The following POLR1D variants were observed in gnomAD, a reference collection of about 807,000 sequenced individuals.
POLR1D encodes the protein DNA-directed RNA polymerases I and III subunit RPAC2.
Under a neutral mutation model 10.8 loss-of-function variants are expected in POLR1D, and 8 were observed. That is an observed-to-expected ratio of 0.74 (90% CI 0.43 to 1.33). The LOEUF (loss-of-function observed/expected upper bound fraction) is 1.33. Among genes scored for constraint, POLR1D ranks in the 40% most tolerant of loss-of-function variants. The pLI, the probability that POLR1D is intolerant of heterozygous loss-of-function variation, is 0.01. For synonymous variants in POLR1D, 54 were observed against 57.2 expected, an observed-to-expected ratio of 0.94 and a Z score of 0.25; for missense variants, 152 against 161.7, an observed-to-expected ratio of 0.94 and a Z score of 0.32.
At chr13:27,622,245 C>A (rs1413399490) in intron 1 of POLR1D, 18 of 594,936 alleles carry the variant, frequency 3.0e-5, no homozygotes, top group African/African-American at 5.6e-5. Context: ...AACTGCCCAC[C>A]CCCGTTACAA....
chr13:27,644,485 G>A (rs1234299542), intron 1 of POLR1D, among the ~76,000 whole-genome samples: 2 of 152,216 alleles, frequency 1.3e-5, no homozygotes, highest in Non-Finnish European at 2.9e-5. Context: ...CAGGCCTGAG[G>A]AAGCTGTGCT....
chr13:27,620,877 A>G (rs1955900153), upstream of POLR1D: 1 of 152,444 alleles, frequency 6.6e-6, no homozygotes, highest in Non-Finnish European at 1.5e-5. Context: ...ACAGCTGGGG[A>G]AGGAGTGAAC....
intron 2 of POLR1D, among the ~76,000 whole-genome samples, chr13:27,660,436 A>G (rs1956352942): frequency 6.6e-6 from 1 of 152,244 alleles, no homozygotes. Flanking sequence ...ACTTGCTTCC[A>G]TGACTCCAAG....
At chr13:27,624,638 C>T (rs768749616), downstream of POLR1D, among the ~76,000 whole-genome samples, 7 of 152,152 alleles carry the variant, frequency 4.6e-5, no homozygotes, top group Admixed American at 2.0e-4. Context: ...CATGGTGGCT[C>T]ACACCTGGGA....
chr13:27,661,949 G>C (rs1285484003), intron 2 of POLR1D, among the ~76,000 whole-genome samples: 1 of 152,192 alleles, frequency 6.6e-6, no homozygotes, highest in Non-Finnish European at 1.5e-5. Context: ...ATGGAGAATT[G>C]AGATAGCCGG....
At chr13:27,641,469 TTC>T (rs1423341881) in intron 1 of POLR1D, among the ~76,000 whole-genome samples, 1 of 152,098 alleles carries the variant, frequency 6.6e-6, no homozygotes, top group Non-Finnish European at 1.5e-5. Context: ...TACGAAATAT[TTC>T]TGTCTTTCCA....
chr13:27,659,542 G>A (rs1956339081), intron 2 of POLR1D, among the ~76,000 whole-genome samples: 1 of 152,132 alleles, frequency 6.6e-6, no homozygotes, highest in Admixed American at 6.6e-5. Context: ...AACACTCCTT[G>A]TATGGCATCA....
At chr13:27,651,650 G>A (rs1384092286) in intron 2 of POLR1D, 1 of 152,030 alleles carries the variant, frequency 6.6e-6, no homozygotes, top group East Asian at 1.9e-4. Flanking sequence ...TGAAAAAAAT[G>A]CTCAGCTTTA....
At position 27,642,126 on chromosome 13, in the gene POLR1D, T is replaced by C. The variant is rs192326654; in HGVS notation, c.27-6253T>C. Among the ~76,000 whole-genome samples the C allele has an allele frequency of 2.1e-3, 320 of 152,174 alleles. 2 individuals carry two copies. Among genetic ancestry groups the C allele is most frequent in the African/African-American group, 7.5e-3 (313 of 41,516 alleles). On this transcript the variant is annotated intron_variant, in intron 1 of 2. Transcript: ENST00000399697. ...CAGAGGATGTTAACAGGTATATATA[T>C]ACAATGAAGCAAAAGAATAATATTG...
chr13:27,621,609 C>T (rs888615794), upstream of POLR1D: 3 of 162,842 alleles, frequency 1.8e-5, no homozygotes, highest in Non-Finnish European at 4.0e-5. Flanking sequence ...AGGCCGCGCC[C>T]CTTCGCCATC....
intron 1 of POLR1D, among the ~76,000 whole-genome samples, chr13:27,629,023 T>C (rs1956046919): frequency 6.6e-6 from 1 of 152,138 alleles, no homozygotes; most frequent in African/African-American, 2.4e-5. Context: ...ACAGTCTCAC[T>C]ATGTTGCCCA....
chr13:27,629,900 CTTTATTTA>C (rs201566325), intron 1 of POLR1D, among the ~76,000 whole-genome samples: 3 of 151,858 alleles, frequency 2.0e-5, no homozygotes, highest in Non-Finnish European at 2.9e-5. Context: ...ATTAAAAAGA[CTTTATTTA>C]TTTATTTATT....
At chr13:27,654,262 T>C (rs1956290452) in intron 2 of POLR1D, among the ~76,000 whole-genome samples, 1 of 152,234 alleles carries the variant, frequency 6.6e-6, no homozygotes, top group Admixed American at 6.5e-5. Flanking sequence ...CTTTATATAA[T>C]ATCCTTGTAC....
At chr13:27,632,649 C>G (rs1956085974) in intron 1 of POLR1D, among the ~76,000 whole-genome samples, 1 of 149,204 alleles carries the variant, frequency 6.7e-6, no homozygotes, top group Admixed American at 6.8e-5. Flanking sequence ...GCACCCCCCG[C>G]CCCCCAGCAC....
chr13:27,644,609 A>G (rs1198433431), intron 1 of POLR1D, among the ~76,000 whole-genome samples: 1 of 152,244 alleles, frequency 6.6e-6, no homozygotes, highest in Non-Finnish European at 1.5e-5. Context: ...TTGGGTCTCC[A>G]TGGAACTTAG....
chr13:27,657,947 G>A lies in POLR1D; in HGVS notation c.102-7739G>A, dbSNP rs185975002. On this transcript the variant is annotated intron_variant, in intron 2 of 2. Transcript: ENST00000399697. ...AAGGAGGTCTGGACCCATGACAACCGTGGCTTGCTTCTACTCACTAGTGCT... is the reference window on the plus strand; with the variant it reads ...AAGGAGGTCTGGACCCATGACAACCATGGCTTGCTTCTACTCACTAGTGCT... Among the ~76,000 whole-genome samples the A allele has an allele frequency of 1.5e-3, 224 of 152,298 alleles. 1 individual carries two copies. Among genetic ancestry groups the A allele is most frequent in the Middle Eastern group, 3.4e-3 (1 of 294 alleles).
chr13:27,621,658 C>T, upstream of POLR1D: 1 of 196,256 alleles, frequency 5.1e-6, no homozygotes, highest in Non-Finnish European at 1.0e-5. Flanking sequence ...GGGGCGCCCG[C>T]AGGCCTGTCT....
chr13:27,654,721 A>G (rs1348246869), intron 2 of POLR1D, among the ~76,000 whole-genome samples: 1 of 152,192 alleles, frequency 6.6e-6, no homozygotes, highest in Non-Finnish European at 1.5e-5. Flanking sequence ...CAAGGGTAAA[A>G]ATTTAACAAA....
intron 2 of POLR1D, among the ~76,000 whole-genome samples, chr13:27,652,911 C>CT (rs71083685): frequency 0.24 from 21,115 of 89,332 alleles, 5,178 homozygotes; most frequent in African/African-American, 0.33. Context: ...TTTACCATTT[C>CT]TTTTTTTTTT....
Sources: gnomAD v4.1 joint callset for allele counts (sites outside exome capture counted in the v4.1 genomes callset) on GRCh38, gnomAD v4.1.1 for gene constraint, MANE v1.5 for transcripts, NCBI Gene and HGNC (gene_info 2026-07-23, HGNC 2026-07-21) for gene names.